The following ZNF391 variants were observed in gnomAD, a reference collection of about 807,000 sequenced individuals.
The protein encoded by ZNF391 is zinc finger protein 391.
For synonymous variants in ZNF391, 126 were observed against 142.1 expected (o/e 0.89, Z 0.80); for missense variants, 375 against 425.5 (o/e 0.88, Z 1.04).
chr6:27,387,441 G>T (rs548888694), upstream of ZNF391, among the ~76,000 whole-genome samples: 1 of 151,826 alleles, frequency 6.6e-6, no homozygotes, highest in East Asian at 1.9e-4. Context: ...CAAAAGGCAG[G>T]AACCACCCAA....
At chr6:27,382,647 C>G (rs1490878959) in intron 1 of ZNF391, among the ~76,000 whole-genome samples, 2 of 151,958 alleles carry the variant, frequency 1.3e-5, no homozygotes, top group Non-Finnish European at 2.9e-5. Context: ...AGACACCATA[C>G]AAGAATAGAT....
Position 27,402,144 on chromosome 6 carries a change from A to G in ZNF391, c.*697A>G, listed in dbSNP as rs1400457397. 6.6e-6 allele frequency: 1 copy of G among 152,100 alleles called. No homozygotes were observed. The highest frequency in any genetic ancestry group is 1.5e-5 in the Non-Finnish European group (1 of 68,004). The allele number at this position is 152,100 out of a possible 1,614,324, so 9.4% of individuals were successfully genotyped here. A position where few individuals can be genotyped will look rare whatever the true frequency, so the allele number is the denominator to read the frequency against. ...ACTAATCCTAGTGTTATTTTATCAT[A>G]TTTTTACCAAGAATGTTCTAAAAAT... On this transcript the variant is annotated 3_prime_UTR_variant, in exon 3 of 3. Transcript: ENST00000244576.
At chr6:27,390,700 C>T (rs1324005237) in intron 1 of ZNF391, among the ~76,000 whole-genome samples, 2 of 152,190 alleles carry the variant, frequency 1.3e-5, no homozygotes, top group African/African-American at 4.8e-5. Context: ...AATCCTCTGA[C>T]AGCATCTTTC....
intron 1 of ZNF391, among the ~76,000 whole-genome samples, chr6:27,378,854 A>G (rs141357877): frequency 6.6e-6 from 1 of 152,136 alleles, no homozygotes; most frequent in Non-Finnish European, 1.5e-5. Flanking sequence ...TCTTTAGCCT[A>G]TGGGTTTGAA....
At chr6:27,386,673 C>T (rs1761588041), upstream of ZNF391, among the ~76,000 whole-genome samples, 1 of 152,042 alleles carries the variant, frequency 6.6e-6, no homozygotes, top group Non-Finnish European at 1.5e-5. Context: ...GTATTTTCAA[C>T]AAATGGTGCT....
intron 1 of ZNF391, among the ~76,000 whole-genome samples, chr6:27,391,538 G>A (rs1003408171): frequency 1.3e-5 from 1 of 76,312 alleles, no homozygotes; most frequent in Non-Finnish European, 3.3e-5. Context: ...CAGAGGTTCT[G>A]GATGCCTTGG....
intron 1 of ZNF391, among the ~76,000 whole-genome samples, chr6:27,392,858 C>T (rs1166392922): frequency 6.6e-6 from 1 of 152,190 alleles, no homozygotes; most frequent in East Asian, 1.9e-4. Flanking sequence ...CTTCTCTGTA[C>T]TTCACACTAT....
At position 27,388,882 on chromosome 6, in the gene ZNF391, G is replaced by C. The variant is rs1761633013; in HGVS notation, c.-381G>C. ...GATCAGCAGCAGTCTGAGTGGAAGA[G>C]TGCCTGTGATCTTAGGGAACCTGAT... On this transcript the variant is annotated 5_prime_UTR_variant, in exon 1 of 3. Coordinates refer to ENST00000244576, the MANE Select transcript of ZNF391 (RefSeq NM_001076781.3). 2 of 455,938 alleles carry C rather than the reference G, an allele frequency of 4.4e-6. No individual in the cohort carries two copies. Among genetic ancestry groups the C allele is most frequent in the Non-Finnish European group, 4.4e-6 (1 of 226,748 alleles). 28.2% of individuals were successfully genotyped at this position (455,938 alleles called of 1,614,324 possible).
chr6:27,400,459 G>C lies in ZNF391; in HGVS notation c.89G>C (p.Cys30Ser). The C allele has an allele frequency of 1.2e-6, 2 of 1,614,158 alleles. No homozygotes were observed. The highest frequency in any genetic ancestry group is 1.7e-6 in the Non-Finnish European group (2 of 1,180,026). ...GGCCAATTATCAAGGCAAACAAAAT[G>C]TCCTGCACAGAAGAAATCCTCTTTT... ...NEGQLSRQTK[C>S]PAQKKSSFEN... Residue 30 changes from cysteine to serine, a missense_variant, in exon 3 of 3, where the codon TGT becomes TCT. Cys to Ser is a moderately radical substitution (Grantham distance 112). Coordinates refer to ENST00000244576, the MANE Select transcript of ZNF391 (RefSeq NM_001076781.3).
At chr6:27,386,402 C>T (rs954009490), upstream of ZNF391, among the ~76,000 whole-genome samples, 1 of 152,086 alleles carries the variant, frequency 6.6e-6, no homozygotes, top group Non-Finnish European at 1.5e-5. Flanking sequence ...TAGAAAATCC[C>T]ATCCTAAAAT....
intron 1 of ZNF391, among the ~76,000 whole-genome samples, chr6:27,378,267 A>T (rs1295423776): frequency 2.0e-5 from 3 of 152,184 alleles, no homozygotes; most frequent in African/African-American, 7.2e-5. Context: ...CACTCACGTC[A>T]GTGTGAAGAG....
chr6:27,401,627 T>C lies in ZNF391; in HGVS notation c.*180T>C, dbSNP rs1761972726. The C allele has an allele frequency of 6.5e-6, 3 of 459,222 alleles. No individual in the cohort carries two copies. The highest frequency in any genetic ancestry group is 7.4e-5 in the Admixed American group (2 of 26,942). The allele number at this position is 459,222 out of a possible 1,614,324, so 28.4% of individuals were successfully genotyped here. A position where few individuals can be genotyped will look rare whatever the true frequency, so the allele number is the denominator to read the frequency against. On this transcript the variant is annotated 3_prime_UTR_variant, in exon 3 of 3. Coordinates refer to ENST00000244576, the MANE Select transcript of ZNF391 (RefSeq NM_001076781.3). ...CTATCCTTCTTTCGTCTCCCCTCCCTTCTTCCCTCCTTCCCTCCTTCCTAC... is the reference window on the plus strand; with the variant it reads ...CTATCCTTCTTTCGTCTCCCCTCCCCTCTTCCCTCCTTCCCTCCTTCCTAC...
At chr6:27,377,748 C>T (rs914548747) in intron 1 of ZNF391, among the ~76,000 whole-genome samples, 1 of 152,232 alleles carries the variant, frequency 6.6e-6, no homozygotes, top group Non-Finnish European at 1.5e-5. Flanking sequence ...GCCACTGGCA[C>T]ATCCTCAACC....
intron 1 of ZNF391, among the ~76,000 whole-genome samples, chr6:27,392,864 A>G (rs991568964): frequency 6.6e-6 from 1 of 152,206 alleles, no homozygotes; most frequent in African/African-American, 2.4e-5. Context: ...TGTACTTCAC[A>G]CTATTTTTTT....
At chr6:27,380,229 G>A (rs1475378720) in intron 1 of ZNF391, among the ~76,000 whole-genome samples, 2 of 152,188 alleles carry the variant, frequency 1.3e-5, no homozygotes, top group Non-Finnish European at 2.9e-5. Flanking sequence ...ACGAAGCCGC[G>A]GACACTCGCG....
chr6:27,398,317 A>C (rs924009850), intron 1 of ZNF391, among the ~76,000 whole-genome samples: 10 of 152,152 alleles, frequency 6.6e-5, no homozygotes, highest in Admixed American at 2.6e-4. Context: ...AGCTTTAATG[A>C]GGAAATTTAG....
intron 1 of ZNF391, among the ~76,000 whole-genome samples, chr6:27,377,124 G>A (rs1212770814): frequency 6.6e-6 from 1 of 152,166 alleles, no homozygotes; most frequent in Non-Finnish European, 1.5e-5. Flanking sequence ...AAATTGCCAT[G>A]AGGATTCAAA....
intron 1 of ZNF391, among the ~76,000 whole-genome samples, chr6:27,393,891 C>T (rs1761767535): frequency 6.6e-6 from 1 of 152,158 alleles, no homozygotes; most frequent in Non-Finnish European, 1.5e-5. Context: ...GAAGTTTGCA[C>T]TTCAGAGTGT....
upstream of ZNF391, among the ~76,000 whole-genome samples, chr6:27,384,623 AT>A (rs1203641118): frequency 6.6e-6 from 1 of 152,202 alleles, no homozygotes; most frequent in Non-Finnish European, 1.5e-5. Flanking sequence ...ACTCAATGAT[AT>A]ATATATTCAA....
Sources: gnomAD v4.1 joint callset for allele counts (sites outside exome capture counted in the v4.1 genomes callset) on GRCh38, gnomAD v4.1.1 for gene constraint, MANE v1.5 for transcripts, NCBI Gene and HGNC (gene_info 2026-07-23, HGNC 2026-07-21) for gene names.